Variants in POLD2 observed in about 807,000 individuals in gnomAD.
The protein encoded by POLD2 is DNA polymerase delta 2, accessory subunit, also known as DNA polymerase delta subunit 2.
In POLD2, 31 loss-of-function variants were observed where a neutral mutation model predicts 48.8. The ratio of observed to expected loss-of-function variants is 0.64; its 90% confidence interval spans 0.48 to 0.86. The LOEUF (loss-of-function observed/expected upper bound fraction) is 0.86, where lower values mean the gene tolerates loss of function less well. POLD2 is among the 40% of genes least tolerant of loss of function. The pLI, the probability that POLD2 is intolerant of heterozygous loss-of-function variation, is 0.00. For synonymous variants in POLD2, 233 were observed against 256.3 expected, an observed-to-expected ratio of 0.91 and a Z score of 0.87; for missense variants, 455 against 610.1, an observed-to-expected ratio of 0.75 and a Z score of 2.68.
chr7:44,123,050 A>T (rs1249282529), intron 1 of POLD2: 5 of 203,804 alleles, frequency 2.5e-5, no homozygotes, highest in African/African-American at 1.2e-4. Context: ...TGGACACACA[A>T]TGGATTTCTA....
upstream of POLD2, chr7:44,123,604 T>C: frequency 1.4e-6 from 2 of 1,430,048 alleles, no homozygotes; most frequent in Non-Finnish European, 1.8e-6. Context: ...GCCCATCGCC[T>C]AATCTCACCA....
chr7:44,115,011 C>T lies in POLD2; in HGVS notation c.1250-66G>A, dbSNP rs1020099256. On this transcript the variant is annotated intron_variant, in intron 10 of 10. Coordinates refer to ENST00000610533, the MANE Select transcript of POLD2 (RefSeq NM_006230.4). ...AAGTCCTGCCTCAAAGAGAAGCTGC[C>T]AGAAATAAACAGGAGTCCCCATTGG... 17 of 1,390,864 alleles carry T rather than the reference C, an allele frequency of 1.2e-5. No homozygotes were observed. The Admixed American group carries it at 1.3e-4, about 11-fold the overall frequency. 86.2% of individuals were successfully genotyped at this position (1,390,864 alleles called of 1,614,324 possible).
chr7:44,117,519 C>G (rs546567488), intron 4 of POLD2, 100 bp downstream of exon 4: 1 of 1,409,436 alleles, frequency 7.1e-7, no homozygotes, highest in Admixed American at 2.0e-5. Context: ...CCAGGCCACA[C>G]CCCCCCACTC....
upstream of POLD2, chr7:44,124,279 T>C (rs1191736161): frequency 6.3e-5 from 9 of 143,880 alleles, no homozygotes; most frequent in African/African-American, 1.6e-4. Context: ...TTTTTTTTTT[T>C]CCATCTCCAC....
upstream of POLD2, chr7:44,123,812 C>T: frequency 1.1e-6 from 1 of 946,328 alleles, no homozygotes; most frequent in Non-Finnish European, 1.4e-6. Context: ...CGGGGGGTGT[C>T]GGCCTCCAGT....
At chr7:44,117,520 C>T in intron 4 of POLD2, 99 bp downstream of exon 4, 1 of 1,440,908 alleles carries the variant, frequency 6.9e-7, no homozygotes, top group Non-Finnish European at 9.5e-7. Flanking sequence ...CAGGCCACAC[C>T]CCCCCACTCC....
intron 2 of POLD2, among the ~76,000 whole-genome samples, chr7:44,119,437 G>A (rs1268720024): frequency 6.6e-6 from 1 of 152,084 alleles, no homozygotes; most frequent in African/African-American, 2.4e-5. Flanking sequence ...AGACAGAGGC[G>A]AGCAACTCAA....
rs377226399 is a variant in POLD2, at chr7:44,115,302, G to A, written c.1242C>T (p.Ile414=). ...CGNTPSFGSK[I]IRGPEDQTVL... ...CCAGAAGACAAAAATTACCTCGGAT[G>A]ATTTTGGAGCCAAAGCTGGGGGTGT... is the stretch of plus-strand genomic sequence containing the variant. The change falls in exon 10 of 11, where the codon ATC becomes ATT. Residue 414 remains isoleucine (I), a synonymous_variant. Transcript: ENST00000610533. 6 of 1,609,886 alleles carry A rather than the reference G, an allele frequency of 3.7e-6. No homozygotes were observed. In the Admixed American group the frequency reaches 5.0e-5, roughly 13 times the overall value.
chr7:44,123,519 G>C lies in POLD2; in HGVS notation c.-65C>G. Reference sequence around the variant, plus strand: ...CCCTGGACCCCACTCACCGCGCGGCGCGCCGCATCCCGCCAATCCCCGCGC... The same window carrying C: ...CCCTGGACCCCACTCACCGCGCGGCCCGCCGCATCCCGCCAATCCCCGCGC... On this transcript the variant is annotated 5_prime_UTR_variant, in exon 1 of 11. Coordinates refer to ENST00000610533, the MANE Select transcript of POLD2 (RefSeq NM_006230.4). The C allele has an allele frequency of 6.8e-7, 1 of 1,481,382 alleles. No homozygotes were observed. The highest frequency in any genetic ancestry group is 8.9e-7 in the Non-Finnish European group (1 of 1,123,730). 91.8% of individuals were successfully genotyped at this position (1,481,382 alleles called of 1,614,324 possible). A position where few individuals can be genotyped will look rare whatever the true frequency, so the allele number is the denominator to read the frequency against.
At position 44,117,119 on chromosome 7, in the gene POLD2, G is replaced by T. The variant is rs1562694283; in HGVS notation, c.581+14C>A. 3 of 1,612,188 alleles carry T rather than the reference G, an allele frequency of 1.9e-6. No homozygotes were observed. The highest frequency in any genetic ancestry group is 2.5e-6 in the Non-Finnish European group (3 of 1,178,408). On this transcript the variant is annotated intron_variant, in intron 5 of 10. Coordinates refer to ENST00000610533, the MANE Select transcript of POLD2 (RefSeq NM_006230.4). ...ACCATGAGCTGGTTCCAGCTCCCGA[G>T]AACTGCTGCTCACCTATCTGTGTCA... is the stretch of plus-strand genomic sequence containing the variant.
rs554668060 is a variant in POLD2 at position 44,122,104 on chromosome 7, G to A, written c.-51C>T. ...CACACAGCTTCGCCCAGGCCAAGGAGGTTCACTGCGAAAACACAAAGGCAT... is the reference window on the plus strand; with the variant it reads ...CACACAGCTTCGCCCAGGCCAAGGAAGTTCACTGCGAAAACACAAAGGCAT... On this transcript the variant is annotated 5_prime_UTR_variant, in exon 2 of 11. Coordinates refer to ENST00000610533, the MANE Select transcript of POLD2 (RefSeq NM_006230.4). The A allele has an allele frequency of 4.7e-5, 75 of 1,590,092 alleles. 2 individuals carry two copies. The South Asian group carries it at 7.1e-4, about 15-fold the overall frequency.
intron 1 of POLD2, 87 bp downstream of exon 1, chr7:44,123,424 A>G: frequency 6.8e-7 from 1 of 1,471,908 alleles, no homozygotes; most frequent in Non-Finnish European, 8.9e-7. Flanking sequence ...ACGTCCGCCA[A>G]GACACCAGCC....
At position 44,123,435 on chromosome 7, in the gene POLD2, C is replaced by T. The variant is rs560937477; in HGVS notation, c.-57+76G>A. The T allele has an allele frequency of 1.2e-4, 178 of 1,486,472 alleles. No homozygotes were observed. In the African/African-American group the frequency reaches 1.8e-3, roughly 15 times the overall value. 92.1% of individuals were successfully genotyped at this position (1,486,472 alleles called of 1,614,324 possible). ...CGGGACGTCCGCCAAGACACCAGCCCACCGACCCAGGAGCCCGGCCTCGCG... is the reference window on the plus strand; with the variant it reads ...CGGGACGTCCGCCAAGACACCAGCCTACCGACCCAGGAGCCCGGCCTCGCG... On this transcript the variant is annotated intron_variant, in intron 1 of 10. Coordinates refer to ENST00000610533, the MANE Select transcript of POLD2 (RefSeq NM_006230.4).
intron 2 of POLD2, among the ~76,000 whole-genome samples, chr7:44,118,774 C>T (rs1191232893): frequency 1.3e-5 from 2 of 152,120 alleles, no homozygotes; most frequent in African/African-American, 2.4e-5. Context: ...CCGCCTCGGC[C>T]TCCCAAAGTG....
chr7:44,117,481 A>T, intron 4 of POLD2, 138 bp downstream of exon 4: 2 of 1,116,078 alleles, frequency 1.8e-6, no homozygotes, highest in Non-Finnish European at 2.6e-6. Flanking sequence ...CTGGAGCCTC[A>T]CCTACCTCCT....
upstream of POLD2, chr7:44,123,705 G>A: frequency 2.2e-6 from 3 of 1,350,790 alleles, no homozygotes; most frequent in Non-Finnish European, 2.8e-6. Context: ...AGAACGCGGA[G>A]CCACACCCTC....
In POLD2 at chr7:44,121,883, G is replaced by A. The variant is rs1230263962; in HGVS notation, c.171C>T (p.Arg57=). 2 of 1,613,510 alleles carry A rather than the reference G, an allele frequency of 1.2e-6. No individual in the cohort carries two copies. The highest frequency in any genetic ancestry group is 1.7e-6 in the Non-Finnish European group (2 of 1,179,956). The change falls in exon 2 of 11, where the codon CGC becomes CGT. Residue 57 remains arginine, a synonymous_variant. Transcript: ENST00000610533. The surrounding 1 kb of genome is among the most constrained non-coding windows in gnomAD (Gnocchi z 4.5). ...SRQYAHIYAT[R]LIQMRPFLEN... is the part of the protein sequence containing the mutation. ...CCAGGAAGGGTCTCATTTGGATGAGGCGGGTGGCATAAATGTGGGCATACT... is the reference window on the plus strand; with the variant it reads ...CCAGGAAGGGTCTCATTTGGATGAGACGGGTGGCATAAATGTGGGCATACT...
chr7:44,115,776 A>C lies in POLD2; in HGVS notation c.1137T>G (p.Pro379=). The C allele has an allele frequency of 6.2e-7, 1 of 1,612,288 alleles. No homozygotes were observed. The highest frequency in any genetic ancestry group is 8.5e-7 in the Non-Finnish European group (1 of 1,179,150). ...LRVRHISPTA[P]DTLGCYPFYK... is the part of the protein sequence containing the mutation. ...GGCTGAGCCTGTTACCTAGAGTGTC[A>C]GGGGCTGTGGGGCTGATGTGACGGA... Residue 379 remains proline (P), a synonymous_variant, in exon 9 of 11, where the codon CCT becomes CCG. Coordinates refer to ENST00000610533, the MANE Select transcript of POLD2 (RefSeq NM_006230.4).
At chr7:44,117,528 T>TC in intron 4 of POLD2, 91 bp downstream of exon 4, 2 of 1,204,904 alleles carry the variant, frequency 1.7e-6, no homozygotes, top group Non-Finnish European at 2.4e-6. Flanking sequence ...ACCCCCCCAC[T>TC]CCCCCCAGGC....
Sources: gnomAD v4.1 joint callset for allele counts (sites outside exome capture counted in the v4.1 genomes callset) on GRCh38, gnomAD v4.1.1 for gene constraint, Gnocchi (gnomAD v3.1) non-coding constraint, MANE v1.5 for transcripts, NCBI Gene and HGNC (gene_info 2026-07-23, HGNC 2026-07-21) for gene names.